The following SLC24A3 variants were observed in gnomAD, a reference collection of about 807,000 sequenced individuals.
The protein encoded by SLC24A3 is solute carrier family 24 member 3, also known as sodium/potassium/calcium exchanger 3.
SLC24A3 carries 28 observed loss-of-function variants against 75.8 expected under a neutral mutation model. The ratio of observed to expected loss-of-function variants is 0.37; its 90% CI spans 0.27 to 0.51. The LOEUF is 0.51. Among genes scored for constraint, SLC24A3 ranks in the 20% least tolerant of loss-of-function variants. SLC24A3 has a pLI of 0.94. For synonymous variants in SLC24A3, 372 were observed against 334.1 expected, an observed-to-expected ratio of 1.11 and a Z score of -1.24; for missense variants, 663 against 847.8, an observed-to-expected ratio of 0.78 and a Z score of 2.71.
chr20:19,459,336 C>A (rs910263736), intron 2 of SLC24A3, among the ~76,000 whole-genome samples: 2 of 152,182 alleles, frequency 1.3e-5, no homozygotes, highest in South Asian at 2.1e-4. Context: ...CCTCTACCCC[C>A]CTTGCAATCT....
chr20:19,583,803 C>CT (rs1336317805), intron 4 of SLC24A3, among the ~76,000 whole-genome samples: 1 of 151,950 alleles, frequency 6.6e-6, no homozygotes, highest in Non-Finnish European at 1.5e-5. Context: ...ACAGCCACAC[C>CT]TTGCAACTTT....
chr20:19,223,395 A>G (rs1001619366), intron 1 of SLC24A3, among the ~76,000 whole-genome samples: 2 of 152,212 alleles, frequency 1.3e-5, no homozygotes, highest in Non-Finnish European at 2.9e-5. Context: ...TAACCAGGGT[A>G]ATAACATTGA....
At chr20:19,218,956 G>A (rs909000706) in intron 1 of SLC24A3, among the ~76,000 whole-genome samples, 1 of 152,110 alleles carries the variant, frequency 6.6e-6, no homozygotes, top group African/African-American at 2.4e-5. Flanking sequence ...AATGGGTTAT[G>A]CTGCCAGGAA....
intron 6 of SLC24A3, among the ~76,000 whole-genome samples, chr20:19,617,398 C>T (rs755311857): frequency 1.3e-5 from 2 of 152,206 alleles, no homozygotes. Flanking sequence ...GTGGCAGCCA[C>T]AGACATGCAT....
intron 2 of SLC24A3, among the ~76,000 whole-genome samples, chr20:19,310,795 T>G (rs1168025456): frequency 6.6e-6 from 1 of 152,246 alleles, no homozygotes; most frequent in Non-Finnish European, 1.5e-5. Context: ...ACATGCTCCC[T>G]TCTTGCACTA....
intron 6 of SLC24A3, among the ~76,000 whole-genome samples, chr20:19,612,803 G>T (rs530479424): frequency 1.2e-4 from 19 of 152,150 alleles, no homozygotes; most frequent in Admixed American, 5.2e-4. Context: ...GGTGCTCTGT[G>T]CCCCACCAAG....
At chr20:19,415,363 G>A (rs1033605881) in intron 2 of SLC24A3, among the ~76,000 whole-genome samples, 2 of 152,336 alleles carry the variant, frequency 1.3e-5, no homozygotes, top group African/African-American at 4.8e-5. Flanking sequence ...AGTGCACGGT[G>A]TGACCTGAAT....
chr20:19,657,795 T>C (rs2122713491), intron 7 of SLC24A3, among the ~76,000 whole-genome samples: 1 of 152,294 alleles, frequency 6.6e-6, no homozygotes, highest in South Asian at 2.1e-4. Flanking sequence ...CTGTCTTTTT[T>C]CTTCTTCTCC....
chr20:19,493,779 A>T (rs751751680), intron 2 of SLC24A3, among the ~76,000 whole-genome samples: 1 of 152,206 alleles, frequency 6.6e-6, no homozygotes, highest in Non-Finnish European at 1.5e-5. Flanking sequence ...TGGCCAGTTC[A>T]TCCCCTTCCC....
intron 2 of SLC24A3, among the ~76,000 whole-genome samples, chr20:19,325,218 A>G (rs1452771849): frequency 6.6e-6 from 1 of 151,914 alleles, no homozygotes; most frequent in African/African-American, 2.4e-5. Flanking sequence ...ACTTGAGGCC[A>G]GAAGTTCCAG....
In SLC24A3 at chr20:19,711,316, C is replaced by T. The variant is rs117080590; in HGVS notation, c.1720-6212C>T. On this transcript the variant is annotated intron_variant, in intron 15 of 16. Transcript: ENST00000328041. ...ACGCACACACATGCACACATACAAACGCACACACATGCATGCACACGTGCA... is the reference window on the plus strand; with the variant it reads ...ACGCACACACATGCACACATACAAATGCACACACATGCATGCACACGTGCA... Among the ~76,000 whole-genome samples, 569 of 147,324 alleles carry T rather than the reference C, an allele frequency of 3.9e-3. 1 individual carries two copies. Among genetic ancestry groups the T allele is most frequent in the Non-Finnish European group, 5.5e-3 (373 of 67,476 alleles).
At chr20:19,324,936 G>A (rs576487541) in intron 2 of SLC24A3, among the ~76,000 whole-genome samples, 17 of 149,730 alleles carry the variant, frequency 1.1e-4, no homozygotes, top group Non-Finnish European at 1.9e-4. Context: ...CTTTTCAATC[G>A]TTACCCTGGC....
intron 6 of SLC24A3, among the ~76,000 whole-genome samples, chr20:19,604,220 G>A (rs1349547744): frequency 2.0e-5 from 3 of 151,518 alleles, no homozygotes; most frequent in Admixed American, 1.3e-4. Flanking sequence ...GTAAAATAGG[G>A]GGACGTCAGG....
At chr20:19,509,578 C>A (rs116813308) in intron 2 of SLC24A3, among the ~76,000 whole-genome samples, 2,820 of 152,340 alleles carry the variant, frequency 0.019, 80 homozygotes, top group African/African-American at 0.064. Context: ...TGCAAGGCAC[C>A]AGAGTGTGTC....
intron 15 of SLC24A3, among the ~76,000 whole-genome samples, chr20:19,706,032 C>T (rs2032926294): frequency 6.6e-6 from 1 of 152,156 alleles, no homozygotes; most frequent in South Asian, 2.1e-4. Flanking sequence ...GGGCAAAACT[C>T]ATATTTCTAG....
intron 2 of SLC24A3, among the ~76,000 whole-genome samples, chr20:19,440,593 A>G (rs554406182): frequency 6.6e-6 from 1 of 151,178 alleles, no homozygotes; most frequent in African/African-American, 2.4e-5. Flanking sequence ...ACCAGAAGAG[A>G]TTTCATTACT....
chr20:19,410,940 G>A (rs1349095796), intron 2 of SLC24A3, among the ~76,000 whole-genome samples: 1 of 152,214 alleles, frequency 6.6e-6, no homozygotes, highest in Non-Finnish European at 1.5e-5. Flanking sequence ...GGTGGGAGTT[G>A]TTTCTGGAAA....
intron 3 of SLC24A3, among the ~76,000 whole-genome samples, chr20:19,546,224 T>A (rs1027493140): frequency 6.8e-6 from 1 of 146,886 alleles, no homozygotes; most frequent in African/African-American, 2.5e-5. Context: ...AGTGCTCCCT[T>A]CTCCAGGACG....
At chr20:19,381,780 G>T (rs1386058013) in intron 2 of SLC24A3, among the ~76,000 whole-genome samples, 1 of 152,166 alleles carries the variant, frequency 6.6e-6, no homozygotes, top group Non-Finnish European at 1.5e-5. Context: ...CAGAATAAAT[G>T]TCTTGAGATT....
Sources: allele counts gnomAD v4.1 joint callset (sites outside exome capture counted in the v4.1 genomes callset), GRCh38; gene constraint gnomAD v4.1.1; transcripts MANE v1.5; gene names NCBI Gene and HGNC (gene_info 2026-07-23, HGNC 2026-07-21).